The following PCNX4 variants were observed in gnomAD, a reference collection of about 807,000 sequenced individuals.
PCNX4 encodes the protein pecanex 4.
In PCNX4, 103 loss-of-function variants were observed where a neutral mutation model predicts 107.2. That is an observed-to-expected ratio of 0.96 (90% confidence interval 0.82 to 1.13). The LOEUF (loss-of-function observed/expected upper bound fraction) is 1.13. Among genes scored for constraint, PCNX4 ranks in the 50% most tolerant of loss-of-function variants. The probability of loss-of-function intolerance (pLI) is 0.00; values close to 1 mark genes in which losing one functional copy is unlikely to be tolerated. For missense variants in PCNX4, 1,528 were observed against 1,379.4 expected, an observed-to-expected ratio of 1.11 and a Z score of -1.71; for synonymous variants, 541 against 481.7, an observed-to-expected ratio of 1.12 and a Z score of -1.61.
chr14:60,135,045 A>T lies in PCNX4; in HGVS notation c.*824A>T, dbSNP rs1285372511. 1.3e-5 allele frequency: 2 copies of T among 152,170 alleles called. No homozygotes were observed. Among genetic ancestry groups the T allele is most frequent in the Non-Finnish European group, 2.9e-5 (2 of 68,010 alleles). The allele number at this position is 152,170 out of a possible 1,614,324, so 9.4% of individuals were successfully genotyped here. On this transcript the variant is annotated 3_prime_UTR_variant, in exon 11 of 11. Transcript: ENST00000406854. ...TAAAGTCAGAAGGAGATGGAAGAAA[A>T]TTTTTATAATACGATCTGAATTTTA... is the stretch of plus-strand genomic sequence containing the variant.
chr14:60,133,725 G>C, intron 10 of PCNX4: 1 of 615,866 alleles, frequency 1.6e-6, no homozygotes, highest in South Asian at 1.6e-5. Context: ...CTAAGATTTT[G>C]CCTAATGGTG....
chr14:60,124,349 A>G lies in PCNX4; in HGVS notation c.2178A>G (p.Thr726=). 1 of 1,613,146 alleles carries G rather than the reference A, an allele frequency of 6.2e-7. No homozygotes were observed. The highest frequency in any genetic ancestry group is 8.5e-7 in the Non-Finnish European group (1 of 1,179,470). The change falls in exon 9 of 11, where the codon ACA becomes ACG. Residue 726 remains threonine, a synonymous_variant. Transcript: ENST00000406854. The part of the protein sequence containing the change: ...SLNEHFGNVL[T]PCTVLPVKLY... The stretch of plus-strand genomic sequence containing the variant: ...ATGAACACTTTGGAAATGTCTTGAC[A>G]CCCTGTACTGTTTTGCCTGTGAAAT...
At chr14:60,097,709 G>A (rs975158434) in intron 1 of PCNX4, among the ~76,000 whole-genome samples, 5 of 152,220 alleles carry the variant, frequency 3.3e-5, no homozygotes, top group African/African-American at 1.2e-4. Flanking sequence ...TTTGGGAGCA[G>A]AATCATAGCA....
At position 60,115,397 on chromosome 14, in the gene PCNX4, A is replaced by C; in HGVS notation, c.1293A>C (p.Val431=). ...CGAAGGATGTGCAAACTGTGACTGT[A>C]TTCTTTGAGAAGCAAACTAGGCTCA... ...FYPKDVQTVT[V]FFEKQTRLMK... is the part of the protein sequence containing the mutation. The change falls in exon 4 of 11, where the codon GTA becomes GTC. Residue 431 remains valine, a synonymous_variant. Coordinates refer to ENST00000406854, the MANE Select transcript of PCNX4 (RefSeq NM_001330177.2). The C allele has an allele frequency of 6.4e-7, 1 of 1,574,156 alleles. No homozygotes were observed. The highest frequency in any genetic ancestry group is 8.6e-7 in the Non-Finnish European group (1 of 1,162,110).
At chr14:60,096,701 A>C (rs1895431672) in intron 1 of PCNX4, among the ~76,000 whole-genome samples, 1 of 152,236 alleles carries the variant, frequency 6.6e-6, no homozygotes, top group African/African-American at 2.4e-5. Context: ...TAGTGTGGTC[A>C]CAGCGTTCTC....
chr14:60,102,440 G>A (rs1029693707), intron 1 of PCNX4, among the ~76,000 whole-genome samples: 1 of 152,064 alleles, frequency 6.6e-6, no homozygotes, highest in African/African-American at 2.4e-5. Context: ...TTTTTAGTAT[G>A]GTGTTATATA....
chr14:60,140,166 T>A lies in PCNX4; in HGVS notation c.*5945T>A, dbSNP rs1257681693. ...AAGGAAGAAACACAAACAACCAATATCAGGAATGAAAGGATATTACAAATC... is the reference window on the plus strand; with the variant it reads ...AAGGAAGAAACACAAACAACCAATAACAGGAATGAAAGGATATTACAAATC... On this transcript the variant is annotated 3_prime_UTR_variant, in exon 11 of 11. Transcript: ENST00000406854. The surrounding 1 kb of genome is among the most constrained non-coding windows in gnomAD (Gnocchi z 4.2). 1 of 151,938 alleles carries A rather than the reference T, an allele frequency of 6.6e-6. No individual in the cohort carries two copies. The highest frequency in any genetic ancestry group is 1.5e-5 in the Non-Finnish European group (1 of 67,968). 9.4% of individuals were successfully genotyped at this position (151,938 alleles called of 1,614,324 possible). A position where few individuals can be genotyped will look rare whatever the true frequency, so the allele number is the denominator to read the frequency against.
chr14:60,113,478 C>T (rs1295275197), intron 2 of PCNX4, among the ~76,000 whole-genome samples: 3 of 152,064 alleles, frequency 2.0e-5, no homozygotes, highest in African/African-American at 4.8e-5. Flanking sequence ...AAGCGATTCT[C>T]CTGCCTCAGC....
rs1896042632 is a variant in PCNX4, at chr14:60,125,716, G to A, written c.3160G>A (p.Glu1054Lys). Residue 1054 changes from glutamate (E) to lysine (K), a missense_variant, in exon 10 of 11, where the codon GAA becomes AAA. Coordinates refer to ENST00000406854, the MANE Select transcript of PCNX4 (RefSeq NM_001330177.2). ...DFRELIKYLE[E>K]YERDWYIGLV... ...TAGAGAACTGATTAAGTACCTTGAA[G>A]AATATGAACGTGACTGGTACATTGG... The A allele has an allele frequency of 1.9e-6, 3 of 1,609,704 alleles. No individual in the cohort carries two copies. The highest frequency in any genetic ancestry group is 1.1e-5 in the South Asian group (1 of 90,342).
chr14:60,141,347 G>A lies in PCNX4; in HGVS notation c.*7126G>A, dbSNP rs1896303817. The A allele has an allele frequency of 6.6e-6, 1 of 151,428 alleles. No homozygotes were observed. Among genetic ancestry groups the A allele is most frequent in the South Asian group, 2.1e-4 (1 of 4,818 alleles). 9.4% of individuals were successfully genotyped at this position (151,428 alleles called of 1,614,324 possible). Reference sequence around the variant, plus strand: ...AGAAAAATACATAAACAAAAAACTGGTTCTTCAAAAAACAATCAAGAAAAT... The same window carrying A: ...AGAAAAATACATAAACAAAAAACTGATTCTTCAAAAAACAATCAAGAAAAT... On this transcript the variant is annotated 3_prime_UTR_variant, in exon 11 of 11. Transcript: ENST00000406854.
At position 60,142,535 on chromosome 14, in the gene PCNX4, T is replaced by G. The variant is rs1896318799; in HGVS notation, c.*8314T>G. On this transcript the variant is annotated 3_prime_UTR_variant, in exon 11 of 11. Transcript: ENST00000406854. The surrounding 1 kb of genome is among the most constrained non-coding windows in gnomAD (Gnocchi z 4.7). Reference sequence around the variant, plus strand: ...ACATTGATGCCGAGTAATAAATACTTTAAAAAAAGTTAAATGTGAACATTT... The same window carrying G: ...ACATTGATGCCGAGTAATAAATACTGTAAAAAAAGTTAAATGTGAACATTT... 6.6e-6 allele frequency: 1 copy of G among 152,164 alleles called. No individual in the cohort carries two copies. Among genetic ancestry groups the G allele is most frequent in the Admixed American group, 6.5e-5 (1 of 15,286 alleles). The allele number at this position is 152,164 out of a possible 1,614,324, so 9.4% of individuals were successfully genotyped here. A position where few individuals can be genotyped will look rare whatever the true frequency, so the allele number is the denominator to read the frequency against.
At position 60,140,394 on chromosome 14, in the gene PCNX4, A is replaced by G. The variant is rs1266632534; in HGVS notation, c.*6173A>G. On this transcript the variant is annotated 3_prime_UTR_variant, in exon 11 of 11. Coordinates refer to ENST00000406854, the MANE Select transcript of PCNX4 (RefSeq NM_001330177.2). This position sits in a 1 kb window ranked among gnomAD's most constrained non-coding sequence, Gnocchi z 4.2. Reference sequence around the variant, plus strand: ...TTCCATAGTGAAACAACAAGCCTAGATGGATTGATTCGTCAATGGAAAGAC... The same window carrying G: ...TTCCATAGTGAAACAACAAGCCTAGGTGGATTGATTCGTCAATGGAAAGAC... 3 of 152,210 alleles carry G rather than the reference A, an allele frequency of 2.0e-5. No homozygotes were observed. Among genetic ancestry groups the G allele is most frequent in the Admixed American group, 6.5e-5 (1 of 15,274 alleles). The allele number at this position is 152,210 out of a possible 1,614,324, so 9.4% of individuals were successfully genotyped here.
At chr14:60,105,268 A>G (rs1336639300) in intron 1 of PCNX4, among the ~76,000 whole-genome samples, 1 of 152,214 alleles carries the variant, frequency 6.6e-6, no homozygotes, top group African/African-American at 2.4e-5. Flanking sequence ...GAAATGTCTT[A>G]AAAGTTATTT....
chr14:60,129,335 T>C (rs975394405), intron 10 of PCNX4, among the ~76,000 whole-genome samples: 10 of 151,886 alleles, frequency 6.6e-5, no homozygotes, highest in Non-Finnish European at 1.3e-4. Flanking sequence ...GGAGGATTGC[T>C]TTGAGACCAG....
chr14:60,106,809 C>T (rs1384723135), intron 1 of PCNX4, among the ~76,000 whole-genome samples: 1 of 152,134 alleles, frequency 6.6e-6, no homozygotes, highest in Non-Finnish European at 1.5e-5. Context: ...CCTTTCTAGC[C>T]TAACATGATC....
chr14:60,117,517 T>C (rs1348742239), intron 6 of PCNX4, among the ~76,000 whole-genome samples: 1 of 152,224 alleles, frequency 6.6e-6, no homozygotes, highest in African/African-American at 2.4e-5. Context: ...TCGTTATTAG[T>C]GAACATATGT....
Position 60,142,983 on chromosome 14 carries a change from AAG to A in PCNX4, c.*8764_*8765del, listed in dbSNP as rs1896324637. 6.6e-6 allele frequency: 1 copy of A among 152,214 alleles called. No homozygotes were observed. 9.4% of individuals were successfully genotyped at this position (152,214 alleles called of 1,614,324 possible). ...CATCTCCAAAAGAAAGAAAGAAAGAAAGAAAAAAATGCCATACAGATGAATCT... is the reference window on the plus strand; with the variant it reads ...CATCTCCAAAAGAAAGAAAGAAAGAAAAAAAAATGCCATACAGATGAATCT... On this transcript the variant is annotated 3_prime_UTR_variant, in exon 11 of 11. Coordinates refer to ENST00000406854, the MANE Select transcript of PCNX4 (RefSeq NM_001330177.2). This position sits in a 1 kb window ranked among gnomAD's most constrained non-coding sequence, Gnocchi z 4.7.
At chr14:60,101,077 A>G (rs1895522388) in intron 1 of PCNX4, among the ~76,000 whole-genome samples, 2 of 152,124 alleles carry the variant, frequency 1.3e-5, no homozygotes, top group Non-Finnish European at 1.5e-5. Flanking sequence ...TAACCTGAAC[A>G]TTTCTTTTCT....
chr14:60,114,590 G>GTT, intron 2 of PCNX4, 110 bp from the exon 3 acceptor site: 1 of 771,326 alleles, frequency 1.3e-6, no homozygotes, highest in Non-Finnish European at 1.9e-6. Context: ...GTGTGTGTGT[G>GTT]GTTTTTTTTT....
Sources: allele counts gnomAD v4.1 joint callset (sites outside exome capture counted in the v4.1 genomes callset), GRCh38; gene constraint gnomAD v4.1.1; non-coding constraint Gnocchi (gnomAD v3.1); transcripts MANE v1.5; gene names NCBI Gene and HGNC (gene_info 2026-07-23, HGNC 2026-07-21).